The following INPP5A variants were observed in gnomAD, a reference collection of about 807,000 sequenced individuals.
INPP5A encodes the protein 43 kDa inositol polyphosphate 5-phophatase.
INPP5A carries 14 observed loss-of-function variants against 65.2 expected under a neutral mutation model. That is an observed-to-expected ratio of 0.21 (90% CI 0.14 to 0.34). The LOEUF is 0.34. INPP5A is among the 10% of genes least tolerant of loss of function. The pLI is 1.00. For synonymous variants in INPP5A, 207 were observed against 208.3 expected (o/e 0.99, Z 0.05); for missense variants, 431 against 545.6 (o/e 0.79, Z 2.09).
chr10:132,725,684 C>T (rs1201791092), intron 8 of INPP5A, among the ~76,000 whole-genome samples: 1 of 152,228 alleles, frequency 6.6e-6, no homozygotes, highest in African/African-American at 2.4e-5. Flanking sequence ...GCACTCCCTG[C>T]CTGTGGACAG....
At chr10:132,758,894 C>T (rs1297839545) in intron 11 of INPP5A, among the ~76,000 whole-genome samples, 3 of 152,168 alleles carry the variant, frequency 2.0e-5, no homozygotes, top group Non-Finnish European at 2.9e-5. Context: ...CGTCGGGTTT[C>T]GTCAGTTGGA....
intron 4 of INPP5A, among the ~76,000 whole-genome samples, chr10:132,680,613 C>A (rs1484498278): frequency 6.6e-6 from 1 of 152,246 alleles, no homozygotes; most frequent in Non-Finnish European, 1.5e-5. Context: ...CCTTTCTGGG[C>A]TGGCCAAGGC....
intron 2 of INPP5A, among the ~76,000 whole-genome samples, chr10:132,613,754 T>C (rs947617619): frequency 3.9e-5 from 6 of 152,216 alleles, no homozygotes. Context: ...TTTCTGGCAG[T>C]GAGTGGGCCT....
intron 2 of INPP5A, among the ~76,000 whole-genome samples, chr10:132,645,314 C>G (rs908547841): frequency 6.6e-6 from 1 of 152,198 alleles, no homozygotes; most frequent in Admixed American, 6.5e-5. Context: ...TGCTGTGTGT[C>G]GGCGTCCTCC....
chr10:132,688,117 G>T (rs1055802226), intron 4 of INPP5A, among the ~76,000 whole-genome samples: 1 of 152,200 alleles, frequency 6.6e-6, no homozygotes, highest in South Asian at 2.1e-4. Context: ...TTGTGGAGTC[G>T]GCATCAAACC....
intron 12 of INPP5A, among the ~76,000 whole-genome samples, chr10:132,777,305 G>A (rs1241597781): frequency 6.6e-6 from 1 of 152,220 alleles, no homozygotes; most frequent in Non-Finnish European, 1.5e-5. Context: ...CCAGGTGGAG[G>A]AACGTCCTGG....
rs1049958767 is a variant in INPP5A at position 132,727,814 on chromosome 10, A to G, written c.732+909A>G. The stretch of plus-strand genomic sequence containing the variant: ...GGGACACGGTAAGTCGGATGGGGAC[A>G]CGGTGAGTCAGATGGGGACATGGTG... On this transcript the variant is annotated intron_variant, in intron 9 of 15. Transcript: ENST00000368594. The surrounding 1 kb of genome is among the most constrained non-coding windows in gnomAD (Gnocchi z 6.5). Among the ~76,000 whole-genome samples the G allele has an allele frequency of 2.0e-5, 3 of 152,074 alleles. No homozygotes were observed. Among genetic ancestry groups the G allele is most frequent in the Non-Finnish European group, 4.4e-5 (3 of 68,006 alleles).
chr10:132,765,816 T>C lies in INPP5A; in HGVS notation c.947T>C (p.Leu316Pro), dbSNP rs1233545398. ...GAGTTGTCTGTCTTTAAGGACAGAC[T>C]GTATGAACTGGACATCTCGTTCCCT... ...DKELSVFKDR[L>P]YELDISFPPS... The change falls in exon 12 of 16, where the codon CTG becomes CCG. Residue 316 changes from leucine (L) to proline (P), a missense_variant. Transcript: ENST00000368594. The C allele has an allele frequency of 6.2e-7, 1 of 1,605,636 alleles. No individual in the cohort carries two copies. The highest frequency in any genetic ancestry group is 8.5e-7 in the Non-Finnish European group (1 of 1,172,262).
chr10:132,760,035 C>T (rs553134420), intron 11 of INPP5A, among the ~76,000 whole-genome samples: 22 of 152,200 alleles, frequency 1.4e-4, no homozygotes, highest in Non-Finnish European at 2.5e-4. Flanking sequence ...CAGGGATGAC[C>T]CACCCTGGGC....
intron 4 of INPP5A, among the ~76,000 whole-genome samples, chr10:132,683,446 TTATA>T (rs907869123): frequency 6.6e-6 from 1 of 152,122 alleles, no homozygotes; most frequent in Non-Finnish European, 1.5e-5. Flanking sequence ...AGCAAGGCTG[TTATA>T]TATATATGCA....
intron 6 of INPP5A, among the ~76,000 whole-genome samples, chr10:132,702,064 A>G (rs540926100): frequency 6.8e-4 from 103 of 152,244 alleles, no homozygotes; most frequent in Non-Finnish European, 1.3e-3. Flanking sequence ...AAGTGTCAGG[A>G]CACTGTGGGC....
chr10:132,623,453 G>A (rs1413863393), intron 2 of INPP5A, among the ~76,000 whole-genome samples: 1 of 151,388 alleles, frequency 6.6e-6, no homozygotes, highest in African/African-American at 2.4e-5. Context: ...TATGCAAAAA[G>A]TTGAGAATTT....
chr10:132,612,402 A>G (rs2071971434), intron 2 of INPP5A, among the ~76,000 whole-genome samples: 1 of 151,662 alleles, frequency 6.6e-6, no homozygotes, highest in African/African-American at 2.4e-5. Context: ...GTTGAGTTAG[A>G]ATTGTGATGT....
At chr10:132,776,397 AG>A (rs997356257) in intron 12 of INPP5A, among the ~76,000 whole-genome samples, 5 of 150,254 alleles carry the variant, frequency 3.3e-5, no homozygotes, top group African/African-American at 1.2e-4. Context: ...CAGGGCCCAC[AG>A]GCGCCCCTGT....
At chr10:132,778,697 G>A (rs1471709582) in intron 13 of INPP5A, among the ~76,000 whole-genome samples, 2 of 152,226 alleles carry the variant, frequency 1.3e-5, no homozygotes, top group African/African-American at 4.8e-5. Context: ...TCCACTGCCA[G>A]CCTGGTGGGC....
intron 4 of INPP5A, among the ~76,000 whole-genome samples, chr10:132,686,687 C>A (rs1032701373): frequency 1.3e-5 from 2 of 152,228 alleles, no homozygotes; most frequent in African/African-American, 4.8e-5. Context: ...TTATTTATTG[C>A]AAACTTTATA....
At position 132,547,453 on chromosome 10, in the gene INPP5A, G is replaced by A. The variant is rs1338773524; in HGVS notation, c.75+9282G>A. On this transcript the variant is annotated intron_variant, in intron 1 of 15. Transcript: ENST00000368594. This position sits in a 1 kb window ranked among gnomAD's most constrained non-coding sequence, Gnocchi z 5.5. Reference sequence around the variant, plus strand: ...GAGCAGTGCACTCGGCTGCCTAGGTGGTGTGAGGTTCTGTGAGCCCGGGCC... The same window carrying A: ...GAGCAGTGCACTCGGCTGCCTAGGTAGTGTGAGGTTCTGTGAGCCCGGGCC... Among the ~76,000 whole-genome samples the A allele has an allele frequency of 6.6e-6, 1 of 152,182 alleles. No individual in the cohort carries two copies. Among genetic ancestry groups the A allele is most frequent in the African/African-American group, 2.4e-5 (1 of 41,448 alleles).
chr10:132,780,081 T>C (rs1847134668), intron 13 of INPP5A, among the ~76,000 whole-genome samples: 2 of 152,248 alleles, frequency 1.3e-5, no homozygotes, highest in Non-Finnish European at 2.9e-5. Flanking sequence ...CCGAAGCTTG[T>C]TTTCTCATTC....
At chr10:132,649,234 T>C (rs2072540192) in intron 3 of INPP5A, among the ~76,000 whole-genome samples, 1 of 152,252 alleles carries the variant, frequency 6.6e-6, no homozygotes, top group Non-Finnish European at 1.5e-5. Flanking sequence ...TCACGTGTGC[T>C]TTCCCTGTCC....
Sources: gnomAD v4.1 joint callset for allele counts (sites outside exome capture counted in the v4.1 genomes callset) on GRCh38, gnomAD v4.1.1 for gene constraint, Gnocchi (gnomAD v3.1) non-coding constraint, MANE v1.5 for transcripts, NCBI Gene and HGNC (gene_info 2026-07-23, HGNC 2026-07-21) for gene names.